SFMBT1: variants seen among roughly 807,000 people sequenced by gnomAD.
The protein encoded by SFMBT1 is scm-like with four MBT domains protein 1.
In SFMBT1, 32 loss-of-function variants were observed where a neutral mutation model predicts 108.7. That is an observed-to-expected ratio of 0.29 (90% CI 0.22 to 0.40). The LOEUF (loss-of-function observed/expected upper bound fraction) is 0.40. Among genes scored for constraint, SFMBT1 ranks in the 10% least tolerant of loss-of-function variants. SFMBT1 has a pLI of 1.00. For synonymous variants in SFMBT1, 348 were observed against 369.5 expected, an observed-to-expected ratio of 0.94 and a Z score of 0.67; for missense variants, 816 against 1,059.6, an observed-to-expected ratio of 0.77 and a Z score of 3.19.
chr3:52,952,385 C>A (rs75653824), intron 3 of SFMBT1, among the ~76,000 whole-genome samples: 3,137 of 152,144 alleles, frequency 0.021, 120 homozygotes, highest in African/African-American at 0.072. Context: ...AGAAGTATGC[C>A]CTACTGAACA....
At chr3:52,910,941 C>G (rs1702199387) in intron 17 of SFMBT1, 62 bp downstream of exon 17, 1 of 1,549,342 alleles carries the variant, frequency 6.5e-7, no homozygotes, top group Admixed American at 1.7e-5. Context: ...AAGTAAAAAA[C>G]TTTCCAAGAT....
At chr3:52,905,872 T>C (rs1462339003) in intron 20 of SFMBT1, among the ~76,000 whole-genome samples, 3 of 152,136 alleles carry the variant, frequency 2.0e-5, no homozygotes, top group Admixed American at 6.5e-5. Flanking sequence ...ATGCTTGATA[T>C]TGGAGGGATG....
At chr3:52,970,519 A>G (rs1337522562) in intron 1 of SFMBT1, among the ~76,000 whole-genome samples, 1 of 152,228 alleles carries the variant, frequency 6.6e-6, no homozygotes, top group East Asian at 1.9e-4. Flanking sequence ...TATTATCTTA[A>G]TATGTGCCTA....
chr3:53,024,476 G>A (rs1250492665), intron 1 of SFMBT1, among the ~76,000 whole-genome samples: 1 of 150,090 alleles, frequency 6.7e-6, no homozygotes, highest in Non-Finnish European at 1.5e-5. Flanking sequence ...GGCCATGAGA[G>A]CCTTGTTGGC....
intron 11 of SFMBT1, among the ~76,000 whole-genome samples, chr3:52,921,492 A>G (rs1702518211): frequency 6.6e-6 from 1 of 152,240 alleles, no homozygotes; most frequent in African/African-American, 2.4e-5. Context: ...TCTGTAGTAA[A>G]GAATTTTTAT....
chr3:53,012,490 C>G (rs936275511), intron 1 of SFMBT1, among the ~76,000 whole-genome samples: 6 of 151,900 alleles, frequency 3.9e-5, no homozygotes, highest in African/African-American at 1.2e-4. Flanking sequence ...GCAAGCTCCG[C>G]CTCCCGGATT....
intron 1 of SFMBT1, among the ~76,000 whole-genome samples, chr3:53,017,771 T>A (rs1253915891): frequency 6.6e-6 from 1 of 152,214 alleles, no homozygotes; most frequent in African/African-American, 2.4e-5. Context: ...AAAATGAGCA[T>A]GACTTCTTGT....
intron 1 of SFMBT1, among the ~76,000 whole-genome samples, chr3:53,035,029 T>C (rs1413278876): frequency 1.3e-5 from 2 of 152,218 alleles, no homozygotes; most frequent in Non-Finnish European, 2.9e-5. Context: ...AGCACTGCCT[T>C]AGCAGAACAA....
intron 3 of SFMBT1, among the ~76,000 whole-genome samples, chr3:52,946,078 C>T (rs1703356540): frequency 6.6e-6 from 1 of 152,152 alleles, no homozygotes; most frequent in African/African-American, 2.4e-5. Context: ...AACATTATTA[C>T]CAAATCTGCA....
chr3:52,997,070 A>G lies in SFMBT1; in HGVS notation c.-130-27812T>C, dbSNP rs1698362093. Among the ~76,000 whole-genome samples the G allele has an allele frequency of 1.3e-5, 2 of 149,310 alleles. 1 individual carries two copies. Among genetic ancestry groups the G allele is most frequent in the Non-Finnish European group, 3.0e-5 (2 of 66,708 alleles). On this transcript the variant is annotated intron_variant, in intron 1 of 20. Transcript: ENST00000394752. The stretch of plus-strand genomic sequence containing the variant: ...GGCGACTGAGCGAGACTCAGTCTCA[A>G]AAAAAAACAAAAACAAAAACAAAAA...
chr3:52,972,406 T>C (rs558170321), intron 1 of SFMBT1, among the ~76,000 whole-genome samples: 1 of 152,276 alleles, frequency 6.6e-6, no homozygotes, highest in East Asian at 1.9e-4. Flanking sequence ...CTGTGGAACA[T>C]CTGTTCACGC....
chr3:52,999,898 G>T (rs1436630964), intron 1 of SFMBT1, among the ~76,000 whole-genome samples: 1 of 149,714 alleles, frequency 6.7e-6, no homozygotes, highest in Non-Finnish European at 1.5e-5. Context: ...TCGCTCTGTC[G>T]CCCAGGCTGG....
chr3:52,919,124 C>G (rs570790851), intron 12 of SFMBT1, among the ~76,000 whole-genome samples: 122 of 152,192 alleles, frequency 8.0e-4, no homozygotes, highest in South Asian at 5.2e-3. Flanking sequence ...GTTGGGGACC[C>G]CTGCCTCATA....
chr3:52,962,788 C>A (rs1575405112), intron 2 of SFMBT1, among the ~76,000 whole-genome samples: 1 of 113,510 alleles, frequency 8.8e-6, no homozygotes. Flanking sequence ...GCCTGGGTGA[C>A]AGAGCAAGGC....
intron 3 of SFMBT1, among the ~76,000 whole-genome samples, chr3:52,946,358 C>T (rs1345061684): frequency 6.6e-6 from 1 of 152,254 alleles, no homozygotes; most frequent in African/African-American, 2.4e-5. Context: ...CCCCGCTAGT[C>T]ACTACCTGTT....
At chr3:53,038,936 G>A (rs1388244266) in intron 1 of SFMBT1, among the ~76,000 whole-genome samples, 4 of 152,230 alleles carry the variant, frequency 2.6e-5, no homozygotes, top group Non-Finnish European at 2.9e-5. Context: ...TGTTCTGGAC[G>A]ACATGCTTTG....
intron 1 of SFMBT1, among the ~76,000 whole-genome samples, chr3:52,992,467 T>A (rs1705173992): frequency 6.6e-6 from 1 of 152,214 alleles, no homozygotes; most frequent in Admixed American, 6.5e-5. Flanking sequence ...AAAAAAAATT[T>A]TTTTAATAAT....
Position 52,999,097 on chromosome 3 carries a change from G to A in SFMBT1, c.-130-29839C>T, listed in dbSNP as rs992224974. Among the ~76,000 whole-genome samples the A allele has an allele frequency of 6.6e-5, 10 of 150,838 alleles. 2 individuals carry two copies. Among genetic ancestry groups the A allele is most frequent in the Non-Finnish European group, 1.5e-4 (10 of 67,254 alleles). The stretch of plus-strand genomic sequence containing the variant: ...ATGCTCTTCACCCAAGGCCTGCGCC[G>A]GCGTCTGCTGATCAAGGGCCCAGTA... On this transcript the variant is annotated intron_variant, in intron 1 of 20. Coordinates refer to ENST00000394752, the MANE Select transcript of SFMBT1 (RefSeq NM_016329.4).
At chr3:52,931,149 G>C (rs1437153956) in intron 6 of SFMBT1, 114 bp from the exon 7 acceptor site, 7 of 890,596 alleles carry the variant, frequency 7.9e-6, no homozygotes, top group Non-Finnish European at 1.2e-5. Context: ...ACTAGAAAAG[G>C]GTTCAAGCCC....
Sources: gnomAD v4.1 joint callset for allele counts (sites outside exome capture counted in the v4.1 genomes callset) on GRCh38, gnomAD v4.1.1 for gene constraint, MANE v1.5 for transcripts, NCBI Gene and HGNC (gene_info 2026-07-23, HGNC 2026-07-21) for gene names.